Variants in IPO7 observed in about 807,000 individuals in gnomAD.
IPO7 encodes importin 7, also known as importin-7.
Under a neutral mutation model 136.4 loss-of-function variants are expected in IPO7, and 13 were observed. That is an observed-to-expected ratio of 0.10 (90% CI 0.06 to 0.15). IPO7 has a LOEUF of 0.15. Among genes scored for constraint, IPO7 ranks in the 10% least tolerant of loss-of-function variants. The pLI is 1.00. For missense variants in IPO7, 857 were observed against 1,240.6 expected (o/e 0.69, Z 4.65); for synonymous variants, 403 against 404.4 (o/e 1.00, Z 0.04).
intron 19 of IPO7, among the ~76,000 whole-genome samples, chr11:9,435,817 T>C (rs1855361248): frequency 6.6e-6 from 1 of 152,172 alleles, no homozygotes; most frequent in Admixed American, 6.6e-5. Flanking sequence ...TCTTCCTCCC[T>C]CCGTTCCTCT....
intron 6 of IPO7, among the ~76,000 whole-genome samples, chr11:9,418,345 A>G (rs1311587013): frequency 6.6e-6 from 1 of 152,172 alleles, no homozygotes. Context: ...CTGGGATTAC[A>G]GGTGTGAGCC....
Position 9,433,494 on chromosome 11 carries a change from G to A in IPO7, c.1882-76G>A. On this transcript the variant is annotated intron_variant, in intron 16 of 24. Transcript: ENST00000379719. The stretch of plus-strand genomic sequence containing the variant: ...TATTGACTTTATATTTAAGTGTACT[G>A]AATTATAATATGCGTTGTCTTACTA... 3 of 956,680 alleles carry A rather than the reference G, an allele frequency of 3.1e-6. No homozygotes were observed. In the South Asian group the frequency reaches 4.1e-5, roughly 13 times the overall value. The allele number at this position is 956,680 out of a possible 1,614,324, so 59.3% of individuals were successfully genotyped here.
At chr11:9,395,715 A>T (rs1854698162) in intron 1 of IPO7, among the ~76,000 whole-genome samples, 1 of 152,066 alleles carries the variant, frequency 6.6e-6, no homozygotes, top group Admixed American at 6.6e-5. Flanking sequence ...TCTGAAAGTT[A>T]TAAAGTTATG....
chr11:9,394,022 A>G (rs1854674869), intron 1 of IPO7, among the ~76,000 whole-genome samples: 1 of 152,036 alleles, frequency 6.6e-6, no homozygotes, highest in South Asian at 2.1e-4. Context: ...AGCTGGGACT[A>G]CAAGCGTGCG....
At chr11:9,400,213 C>A (rs1025618203) in intron 1 of IPO7, among the ~76,000 whole-genome samples, 1 of 152,120 alleles carries the variant, frequency 6.6e-6, no homozygotes, top group African/African-American at 2.4e-5. Flanking sequence ...TTCCCCCAAA[C>A]ATTTTCCATC....
chr11:9,409,549 T>C (rs1854938828), intron 3 of IPO7, among the ~76,000 whole-genome samples: 1 of 152,112 alleles, frequency 6.6e-6, no homozygotes, highest in South Asian at 2.1e-4. Context: ...CCAGCTAATT[T>C]TTGTGTTTTT....
chr11:9,419,070 CTT>C (rs796186931), intron 6 of IPO7, among the ~76,000 whole-genome samples: 2 of 152,194 alleles, frequency 1.3e-5, no homozygotes, highest in African/African-American at 2.4e-5. Flanking sequence ...TCTTACGTGT[CTT>C]TTTGTGGTCA....
At chr11:9,401,493 A>G (rs1463298343) in intron 1 of IPO7, among the ~76,000 whole-genome samples, 2 of 151,870 alleles carry the variant, frequency 1.3e-5, no homozygotes, top group Non-Finnish European at 2.9e-5. Flanking sequence ...TCAGCAGTTT[A>G]GGACCAGCCT....
At chr11:9,436,411 T>C (rs1431496917) in intron 20 of IPO7, 45 bp downstream of exon 20, 1 of 1,284,658 alleles carries the variant, frequency 7.8e-7, no homozygotes, top group African/African-American at 1.5e-5. Context: ...GGGTAATCTT[T>C]TCCTTCCACT....
intron 22 of IPO7, among the ~76,000 whole-genome samples, chr11:9,438,991 C>T (rs888951882): frequency 3.6e-4 from 54 of 152,076 alleles, no homozygotes; most frequent in African/African-American, 1.3e-3. Flanking sequence ...TTATAGTTCC[C>T]TTTTTTATAT....
At chr11:9,436,868 A>ATT (rs869227367) in intron 20 of IPO7, among the ~76,000 whole-genome samples, 1 of 18,228 alleles carries the variant, frequency 5.5e-5, no homozygotes, top group Non-Finnish European at 9.0e-5. Context: ...ATATATATAT[A>ATT]TTTTTTTTTT....
intron 16 of IPO7, chr11:9,433,254 G>T: frequency 3.9e-6 from 1 of 255,200 alleles, no homozygotes; most frequent in Non-Finnish European, 7.6e-6. Context: ...CCAAAGTGCT[G>T]GGATTACAGG....
In IPO7 at chr11:9,436,463, T is replaced by G. The variant is rs1251934661; in HGVS notation, c.2268+97T>G. On this transcript the variant is annotated intron_variant, in intron 20 of 24. Transcript: ENST00000379719. ...TGGCATTTGTTGCATATTCTGTATG[T>G]TTTTGTTTATTGAGACATCTAGACA... 4.1e-6 allele frequency: 3 copies of G among 725,790 alleles called. No individual in the cohort carries two copies. The African/African-American group carries it at 5.4e-5, about 13-fold the overall frequency. 45.0% of individuals were successfully genotyped at this position (725,790 alleles called of 1,614,324 possible).
chr11:9,404,728 G>C (rs1854855774), intron 2 of IPO7, among the ~76,000 whole-genome samples: 1 of 151,760 alleles, frequency 6.6e-6, no homozygotes, highest in Non-Finnish European at 1.5e-5. Context: ...ACCACACCCG[G>C]CTAATTTTTT....
At chr11:9,442,679 C>T (rs1855475201) in intron 24 of IPO7, among the ~76,000 whole-genome samples, 1 of 152,020 alleles carries the variant, frequency 6.6e-6, no homozygotes, top group Non-Finnish European at 1.5e-5. Flanking sequence ...TCCCAAACTG[C>T]TGAGATTACA....
intron 1 of IPO7, among the ~76,000 whole-genome samples, chr11:9,395,891 A>C (rs1564991518): frequency 6.9e-6 from 1 of 145,572 alleles, no homozygotes. Context: ...TAATTTTTGT[A>C]TTTTTTTTTT....
chr11:9,393,867 AT>A (rs1854672261), intron 1 of IPO7, among the ~76,000 whole-genome samples: 1 of 152,056 alleles, frequency 6.6e-6, no homozygotes, highest in African/African-American at 2.4e-5. Context: ...TGGAAAAGTA[AT>A]TTCTAATTTT....
intron 1 of IPO7, among the ~76,000 whole-genome samples, chr11:9,402,399 C>CA (rs71062846): frequency 0.013 from 571 of 44,888 alleles, 39 homozygotes; most frequent in South Asian, 0.025. Flanking sequence ...GACTGTGTCT[C>CA]AAAAAAAAAA....
chr11:9,420,851 T>G (rs541309646), intron 8 of IPO7, among the ~76,000 whole-genome samples, 153 bp downstream of exon 8: 4 of 152,232 alleles, frequency 2.6e-5, no homozygotes, highest in Non-Finnish European at 5.9e-5. Flanking sequence ...CTCTTTATGT[T>G]CAAATTACTT....
Sources: allele counts gnomAD v4.1 joint callset (sites outside exome capture counted in the v4.1 genomes callset), GRCh38; gene constraint gnomAD v4.1.1; transcripts MANE v1.5; gene names NCBI Gene and HGNC (gene_info 2026-07-23, HGNC 2026-07-21).